RFX7: variants seen among roughly 807,000 people sequenced by gnomAD.
RFX7 encodes regulatory factor X7, also known as DNA-binding protein RFX7.
Under a neutral mutation model 111.8 loss-of-function variants are expected in RFX7, and 26 were observed. The observed-to-expected ratio is 0.23, with a 90% CI of 0.17 to 0.32. RFX7 has a LOEUF of 0.32. RFX7 is among the 10% of genes least tolerant of loss of function. The pLI is 1.00. For synonymous variants in RFX7, 624 were observed against 624.4 expected, an observed-to-expected ratio of 1.00 and a Z score of 0.01; for missense variants, 1,573 against 1,772.9, an observed-to-expected ratio of 0.89 and a Z score of 2.02.
intron 2 of RFX7, among the ~76,000 whole-genome samples, chr15:56,236,662 T>A (rs1048738600): frequency 1.3e-5 from 2 of 152,240 alleles, no homozygotes; most frequent in Admixed American, 6.5e-5. Context: ...ACTAAATTAT[T>A]CTGAAAGAGT....
intron 2 of RFX7, among the ~76,000 whole-genome samples, chr15:56,238,382 CAT>C (rs1463441835): frequency 6.6e-6 from 1 of 152,122 alleles, no homozygotes; most frequent in African/African-American, 2.4e-5. Flanking sequence ...CAAAATAGAT[CAT>C]ATATATAATT....
intron 3 of RFX7, among the ~76,000 whole-genome samples, chr15:56,171,671 T>G (rs1168133950): frequency 6.6e-6 from 1 of 152,160 alleles, no homozygotes; most frequent in Non-Finnish European, 1.5e-5. Context: ...TCTAAAATAA[T>G]CAATTTGTGT....
At chr15:56,221,865 G>A (rs750137670) in intron 2 of RFX7, among the ~76,000 whole-genome samples, 4 of 152,060 alleles carry the variant, frequency 2.6e-5, no homozygotes, top group Admixed American at 6.5e-5. Flanking sequence ...TATAAACATT[G>A]TTAACATTTT....
chr15:56,178,954 C>A, intron 3 of RFX7: 1 of 156,352 alleles, frequency 6.4e-6, no homozygotes, highest in Non-Finnish European at 1.4e-5. Context: ...TTTCTCTAAA[C>A]AAATTCTCAG....
upstream of RFX7, among the ~76,000 whole-genome samples, chr15:56,244,552 T>C (rs1375221947): frequency 6.6e-6 from 1 of 152,110 alleles, no homozygotes; most frequent in Non-Finnish European, 1.5e-5. Flanking sequence ...TTCGTGCCTT[T>C]GCTCATGCTG....
At chr15:56,101,588 T>C (rs2041754136) in intron 7 of RFX7, 22 bp from the exon 8 acceptor site, 2 of 1,588,346 alleles carry the variant, frequency 1.3e-6, no homozygotes, top group Non-Finnish European at 1.7e-6. Context: ...AAAAAGGAAA[T>C]GTTAACTTGT....
intron 2 of RFX7, among the ~76,000 whole-genome samples, chr15:56,239,247 T>C (rs2043659667): frequency 6.6e-6 from 1 of 152,122 alleles, no homozygotes; most frequent in Non-Finnish European, 1.5e-5. Flanking sequence ...ATACACCTTA[T>C]ACACATAACC....
intron 5 of RFX7, among the ~76,000 whole-genome samples, chr15:56,111,123 G>A (rs199929423): frequency 7.7e-6 from 1 of 129,428 alleles, no homozygotes; most frequent in African/African-American, 2.7e-5. Context: ...CCCTCTGCCC[G>A]GCCACCACCC....
rs774668140 is a variant in RFX7, at chr15:56,142,804, G to A, written c.375C>T (p.Pro125=). The A allele has an allele frequency of 4.3e-6, 7 of 1,612,946 alleles. No individual in the cohort carries two copies. The African/African-American group carries it at 6.7e-5, about 15-fold the overall frequency. Residue 125 remains proline (P), a synonymous_variant, in exon 5 of 10, where the codon CCC becomes CCT. Transcript: ENST00000559447. The part of the protein sequence containing the change: ...TLEEHPETSL[P]KQEVYDEYKS... The stretch of plus-strand genomic sequence containing the variant: ...TGTACTCATCATAGACTTCCTGTTT[G>A]GGCAGTGAAGTCTCCGGATGTTCCT...
intron 3 of RFX7, among the ~76,000 whole-genome samples, chr15:56,152,021 T>C (rs1304518274): frequency 6.6e-6 from 1 of 152,182 alleles, no homozygotes; most frequent in East Asian, 1.9e-4. Context: ...CCTAAATATA[T>C]ACGCAGCCAA....
intron 5 of RFX7, among the ~76,000 whole-genome samples, chr15:56,115,385 C>T (rs1567013803): frequency 6.6e-6 from 1 of 152,162 alleles, no homozygotes; most frequent in Non-Finnish European, 1.5e-5. Context: ...GAAATATCCA[C>T]AGTACAGAAA....
chr15:56,197,258 C>A (rs1273745181), intron 2 of RFX7, among the ~76,000 whole-genome samples: 1 of 152,036 alleles, frequency 6.6e-6, no homozygotes, highest in Non-Finnish European at 1.5e-5. Flanking sequence ...TCTTTTTATA[C>A]TTTAGATACT....
intron 2 of RFX7, among the ~76,000 whole-genome samples, chr15:56,191,376 T>C (rs1043852589): frequency 6.6e-6 from 1 of 152,156 alleles, no homozygotes; most frequent in Non-Finnish European, 1.5e-5. Flanking sequence ...TAGAAGAATA[T>C]ATTTGCAATT....
chr15:56,235,213 G>A lies in RFX7; in HGVS notation c.161+7912C>T, dbSNP rs528390537. On this transcript the variant is annotated intron_variant, in intron 2 of 9. Transcript: ENST00000559447. ...TTTTGAGATGGAGTCTCACTCTGTC[G>A]CCCAGGCCGGAGTGCAGTGGCGTGA... Among the ~76,000 whole-genome samples, 161 of 150,792 alleles carry A rather than the reference G, an allele frequency of 1.1e-3. 2 individuals are homozygous for A. Among genetic ancestry groups the A allele is most frequent in the Non-Finnish European group, 5.9e-4 (40 of 67,784 alleles).
intron 2 of RFX7, among the ~76,000 whole-genome samples, chr15:56,191,351 T>C (rs1393025037): frequency 6.6e-6 from 1 of 152,208 alleles, no homozygotes; most frequent in Admixed American, 6.5e-5. Flanking sequence ...TGGAATTACC[T>C]ATAGACAAAG....
At chr15:56,101,587 A>G (rs765841577) in intron 7 of RFX7, 21 bp from the exon 8 acceptor site, 1 of 1,592,258 alleles carries the variant, frequency 6.3e-7, no homozygotes, top group South Asian at 1.1e-5. Flanking sequence ...AAAAAAGGAA[A>G]TGTTAACTTG....
chr15:56,103,758 C>A (rs1337362333), intron 5 of RFX7, 88 bp from the exon 6 acceptor site: 7 of 730,130 alleles, frequency 9.6e-6, no homozygotes, highest in Admixed American at 2.9e-5. Context: ...ATCCTTCTGA[C>A]AAAGTGAAGC....
chr15:56,235,221 C>T (rs779280278), intron 2 of RFX7, among the ~76,000 whole-genome samples: 39 of 151,608 alleles, frequency 2.6e-4, no homozygotes, highest in African/African-American at 9.2e-4. Flanking sequence ...TCGCCCAGGC[C>T]GGAGTGCAGT....
intron 5 of RFX7, among the ~76,000 whole-genome samples, chr15:56,104,891 T>C (rs1156459534): frequency 3.3e-5 from 5 of 152,148 alleles, no homozygotes; most frequent in African/African-American, 1.2e-4. Context: ...AAGTTTCCCA[T>C]ATAGGTAGTA....
Sources: allele counts gnomAD v4.1 joint callset (sites outside exome capture counted in the v4.1 genomes callset), GRCh38; gene constraint gnomAD v4.1.1; transcripts MANE v1.5; gene names NCBI Gene and HGNC (gene_info 2026-07-23, HGNC 2026-07-21).